Variants in AFF4 observed in about 807,000 individuals in gnomAD.
The protein encoded by AFF4 is AF4/FMR2 family member 4.
In AFF4, 13 loss-of-function variants were observed where a neutral mutation model predicts 124.8. The ratio of observed to expected loss-of-function variants is 0.10; its 90% CI spans 0.07 to 0.17. AFF4 has a LOEUF of 0.17. AFF4 is among the 10% of genes least tolerant of loss of function. The pLI is 1.00. For missense variants in AFF4, 1,092 were observed against 1,403.8 expected (o/e 0.78, Z 3.55); for synonymous variants, 477 against 496.1 (o/e 0.96, Z 0.51).
chr5:132,924,373 C>T (rs926541402), intron 5 of AFF4, among the ~76,000 whole-genome samples: 6 of 152,132 alleles, frequency 3.9e-5, no homozygotes, highest in African/African-American at 1.2e-4. Context: ...TGTACTGATT[C>T]CATTTACATG....
chr5:132,943,737 G>GA, intron 1 of AFF4: 1 of 313,852 alleles, frequency 3.2e-6, no homozygotes, highest in Non-Finnish European at 5.9e-6. Context: ...CTGGTGACAG[G>GA]AAAAATGACC....
In AFF4 at chr5:132,880,883, T is replaced by C. The variant is rs1759959657; in HGVS notation, c.*176A>G. 6.4e-6 allele frequency: 4 copies of C among 625,534 alleles called. No individual in the cohort carries two copies. The South Asian group carries it at 1.2e-4, about 19-fold the overall frequency. 38.7% of individuals were successfully genotyped at this position (625,534 alleles called of 1,614,324 possible). On this transcript the variant is annotated 3_prime_UTR_variant, in exon 21 of 21. Coordinates refer to ENST00000265343, the MANE Select transcript of AFF4 (RefSeq NM_014423.4). ...AAATAATCTTTCACATTGGAAATAT[T>C]AAAGGGCCAACTGACATGATCGCTT...
At chr5:132,923,313 T>C (rs1761094341) in intron 5 of AFF4, among the ~76,000 whole-genome samples, 1 of 151,668 alleles carries the variant, frequency 6.6e-6, no homozygotes, top group Admixed American at 6.6e-5. Flanking sequence ...ATCCCGCCAC[T>C]GCACTGCGGC....
chr5:132,905,987 C>A (rs1444437966), intron 5 of AFF4, among the ~76,000 whole-genome samples: 1 of 152,024 alleles, frequency 6.6e-6, no homozygotes, highest in East Asian at 1.9e-4. Flanking sequence ...AAACATTTAC[C>A]CAAGGAAGAC....
chr5:132,952,376 T>C (rs1039148597), intron 1 of AFF4, among the ~76,000 whole-genome samples: 4 of 152,230 alleles, frequency 2.6e-5, no homozygotes, highest in Non-Finnish European at 4.4e-5. Flanking sequence ...TCAACAGATA[T>C]TTTATCATTT....
intron 7 of AFF4, 37 bp from the exon 8 acceptor site, chr5:132,899,678 C>G: frequency 6.4e-7 from 1 of 1,560,474 alleles, no homozygotes; most frequent in Non-Finnish European, 8.8e-7. Flanking sequence ...ATTTTTGGAA[C>G]AGTTTACATG....
In AFF4 at chr5:132,875,615, C is replaced by A. The variant is rs1025573275; in HGVS notation, c.*5444G>T. On this transcript the variant is annotated 3_prime_UTR_variant, in exon 21 of 21. Coordinates refer to ENST00000265343, the MANE Select transcript of AFF4 (RefSeq NM_014423.4). The stretch of plus-strand genomic sequence containing the variant: ...TAAACTTTCTATACTCTCAATACCA[C>A]AAAATACATATAATATACTATACAG... The A allele has an allele frequency of 1.5e-5, 3 of 195,856 alleles. No individual in the cohort carries two copies. The highest frequency in any genetic ancestry group is 3.2e-5 in the Non-Finnish European group (3 of 94,054). The allele number at this position is 195,856 out of a possible 1,614,324, so 12.1% of individuals were successfully genotyped here. A position where few individuals can be genotyped will look rare whatever the true frequency, so the allele number is the denominator to read the frequency against.
chr5:132,907,832 A>T, intron 5 of AFF4, among the ~76,000 whole-genome samples: 1 of 152,192 alleles, frequency 6.6e-6, no homozygotes, highest in Non-Finnish European at 1.5e-5. Context: ...GGCAGCCCAC[A>T]GAGAGGAAAA....
intron 5 of AFF4, among the ~76,000 whole-genome samples, chr5:132,925,027 C>A (rs1355952293): frequency 6.6e-6 from 1 of 150,912 alleles, no homozygotes; most frequent in Non-Finnish European, 1.5e-5. Flanking sequence ...ATACAAAAAT[C>A]AGCTGGGCGT....
At chr5:132,956,996 G>C (rs1761974971) in intron 1 of AFF4, among the ~76,000 whole-genome samples, 1 of 134,346 alleles carries the variant, frequency 7.4e-6, no homozygotes, top group African/African-American at 3.0e-5. Flanking sequence ...CTCCAGCCTG[G>C]GTGACAGTGT....
At chr5:132,927,635 T>C (rs893537010) in intron 4 of AFF4, 2 of 162,252 alleles carry the variant, frequency 1.2e-5, no homozygotes, top group African/African-American at 4.8e-5. Flanking sequence ...GTACTCACAA[T>C]GACATTATGA....
chr5:132,893,015 G>T lies in AFF4; in HGVS notation c.2396+15C>A. On this transcript the variant is annotated intron_variant, in intron 12 of 20. Transcript: ENST00000265343. ...TATTAACAACACTGGCATGCAACAT[G>T]TTTTGGGAACGTACTCTCTGTTGCT... 1.2e-6 allele frequency: 2 copies of T among 1,612,138 alleles called. No individual in the cohort carries two copies. The highest frequency in any genetic ancestry group is 1.7e-6 in the Non-Finnish European group (2 of 1,178,292).
intron 1 of AFF4, among the ~76,000 whole-genome samples, chr5:132,955,900 T>C (rs1038248358): frequency 2.0e-5 from 3 of 147,162 alleles, no homozygotes; most frequent in Non-Finnish European, 4.5e-5. Flanking sequence ...TTATATATGC[T>C]ACATATAATA....
At chr5:132,916,560 T>C (rs1760916682) in intron 5 of AFF4, among the ~76,000 whole-genome samples, 1 of 152,136 alleles carries the variant, frequency 6.6e-6, no homozygotes, top group South Asian at 2.1e-4. Flanking sequence ...AAATCAATGA[T>C]CTTAATACTT....
intron 13 of AFF4, 75 bp from the exon 14 acceptor site, chr5:132,889,248 C>T (rs1269605657): frequency 6.6e-6 from 7 of 1,068,244 alleles, no homozygotes; most frequent in Non-Finnish European, 9.6e-6. Flanking sequence ...TTTCTTCAGC[C>T]ACTGGTAAAA....
intron 1 of AFF4, among the ~76,000 whole-genome samples, chr5:132,951,223 CAA>C (rs111423086): frequency 2.2e-5 from 3 of 134,116 alleles, no homozygotes; most frequent in South Asian, 2.3e-4. Flanking sequence ...GACTCCGTCT[CAA>C]AAAAAAAAAA....
chr5:132,893,171 T>A, intron 11 of AFF4, 53 bp from the exon 12 acceptor site: 1 of 1,441,046 alleles, frequency 6.9e-7, no homozygotes, highest in Admixed American at 1.7e-5. Flanking sequence ...AACTTCAGCT[T>A]CCAGCACTAG....
chr5:132,937,424 C>G (rs988354036), intron 1 of AFF4, among the ~76,000 whole-genome samples: 2 of 152,140 alleles, frequency 1.3e-5, no homozygotes, highest in Non-Finnish European at 2.9e-5. Context: ...GAACCCACCC[C>G]AACAAAACAC....
Position 132,896,519 on chromosome 5 carries a change from G to A in AFF4, c.2111C>T (p.Pro704Leu), listed in dbSNP as rs767048520. The change falls in exon 11 of 21, where the codon CCC becomes CTC. Residue 704 changes from proline to leucine, a missense_variant. Physicochemically the swap from Pro to Leu is moderately conservative, Grantham distance 98. Coordinates refer to ENST00000265343, the MANE Select transcript of AFF4 (RefSeq NM_014423.4). ...SPMEEKELLS[P>L]LSEPDDRYPL... ...GTACCTGTCATCAGGCTCACTGAGG[G>A]GTGAAAGAAGTTCCTTCTCTTCCAT... 7.4e-6 allele frequency: 12 copies of A among 1,613,974 alleles called. No homozygotes were observed. Among genetic ancestry groups the A allele is most frequent in the South Asian group, 1.1e-5 (1 of 91,086 alleles).
Sources: allele counts gnomAD v4.1 joint callset (sites outside exome capture counted in the v4.1 genomes callset), GRCh38; gene constraint gnomAD v4.1.1; transcripts MANE v1.5; gene names NCBI Gene and HGNC (gene_info 2026-07-23, HGNC 2026-07-21).